Variants in GLIS3 observed in about 807,000 individuals in gnomAD.
The protein encoded by GLIS3 is zinc finger protein GLIS3.
Under a neutral mutation model 78.6 loss-of-function variants are expected in GLIS3, and 53 were observed. The observed-to-expected ratio is 0.67, with a 90% confidence interval of 0.54 to 0.85. The LOEUF (loss-of-function observed/expected upper bound fraction) is 0.85, where lower values mean the gene tolerates loss of function less well. Ranked by LOEUF, GLIS3 falls within the 40% of genes least tolerant of loss-of-function variation. The pLI is 0.00. For missense variants in GLIS3, 1,703 were observed against 1,231.1 expected (o/e 1.38, Z -5.74); for synonymous variants, 684 against 509.9 (o/e 1.34, Z -4.60).
At chr9:4,026,037 C>T (rs994911799) in intron 4 of GLIS3, among the ~76,000 whole-genome samples, 7 of 152,122 alleles carry the variant, frequency 4.6e-5, no homozygotes, top group Non-Finnish European at 8.8e-5. Flanking sequence ...ATAATCTATG[C>T]TTTGAGTCTA....
the GLIS3 span, among the ~76,000 whole-genome samples, chr9:4,427,882 A>T: frequency 6.6e-6 from 1 of 152,030 alleles, no homozygotes. Context: ...GAACAATTAG[A>T]AAATAATTAT....
chr9:4,402,717 T>G, the GLIS3 span, among the ~76,000 whole-genome samples: 21 of 152,226 alleles, frequency 1.4e-4, no homozygotes, highest in African/African-American at 4.3e-4. Context: ...AATAGTAGAA[T>G]TGATTAAGCA....
At chr9:4,463,774 T>C in the GLIS3 span, among the ~76,000 whole-genome samples, 1 of 152,226 alleles carries the variant, frequency 6.6e-6, no homozygotes, top group African/African-American at 2.4e-5. Flanking sequence ...CACAGTTTTC[T>C]CCATTTTTCT....
chr9:4,115,582 A>G (rs1209624875), intron 4 of GLIS3, among the ~76,000 whole-genome samples: 1 of 152,168 alleles, frequency 6.6e-6, no homozygotes, highest in South Asian at 2.1e-4. Flanking sequence ...GAGGACTGCT[A>G]AACTTTCACA....
chr9:4,249,790 T>G (rs867094416), intron 2 of GLIS3, among the ~76,000 whole-genome samples: 37 of 152,308 alleles, frequency 2.4e-4, no homozygotes, highest in African/African-American at 8.9e-4. Flanking sequence ...TGAGATACAT[T>G]TCATCGATAC....
chr9:4,437,331 T>G, the GLIS3 span, among the ~76,000 whole-genome samples: 1 of 152,158 alleles, frequency 6.6e-6, no homozygotes, highest in Non-Finnish European at 1.5e-5. Flanking sequence ...ATCAAAATAT[T>G]TGTATGATTT....
the GLIS3 span, among the ~76,000 whole-genome samples, chr9:4,486,539 C>T: frequency 6.6e-6 from 1 of 152,228 alleles, no homozygotes; most frequent in Non-Finnish European, 1.5e-5. Flanking sequence ...AGTATATAAA[C>T]TTCTGGACCT....
chr9:4,080,346 G>C (rs761698433), intron 4 of GLIS3, among the ~76,000 whole-genome samples: 1 of 152,046 alleles, frequency 6.6e-6, no homozygotes, highest in Admixed American at 6.6e-5. Context: ...TTCCCCATAG[G>C]TGAATCATTT....
At chr9:4,357,589 GCA>G in the GLIS3 span, among the ~76,000 whole-genome samples, 344 of 148,092 alleles carry the variant, frequency 2.3e-3, 2 homozygotes, top group African/African-American at 8.2e-3. Context: ...GTGTGTGTGT[GCA>G]TGTGTATGTG....
chr9:4,256,663 C>T lies in GLIS3; in HGVS notation c.388+29375G>A, dbSNP rs114510060. On this transcript the variant is annotated intron_variant, in intron 2 of 10. Transcript: ENST00000381971. ...TAAAAGGTCTACGTAACACAATTCA[C>T]ATTAAAATTCACTTTATTGTAGACA... Among the ~76,000 whole-genome samples the T allele has an allele frequency of 7.7e-3, 1,179 of 152,262 alleles. 13 individuals are homozygous for T. Among genetic ancestry groups the T allele is most frequent in the African/African-American group, 0.027 (1,127 of 41,544 alleles).
chr9:3,964,212 A>C (rs1194888862), intron 4 of GLIS3, among the ~76,000 whole-genome samples: 1 of 152,230 alleles, frequency 6.6e-6, no homozygotes, highest in Non-Finnish European at 1.5e-5. Context: ...GTATCTCCTC[A>C]GTCTCTCACA....
chr9:4,057,384 A>G (rs1826235381), intron 4 of GLIS3, among the ~76,000 whole-genome samples: 1 of 152,210 alleles, frequency 6.6e-6, no homozygotes, highest in African/African-American at 2.4e-5. Flanking sequence ...GGGTGGATCC[A>G]TCCCTAATAA....
chr9:4,068,827 T>G (rs1402599165), intron 4 of GLIS3, among the ~76,000 whole-genome samples: 1 of 105,594 alleles, frequency 9.5e-6, no homozygotes, highest in Non-Finnish European at 2.0e-5. Flanking sequence ...CATGCATGCA[T>G]GTATGCATGT....
Position 4,133,609 on chromosome 9 carries a change from T to C in GLIS3, c.389-7668A>G, listed in dbSNP as rs954817671. On this transcript the variant is annotated intron_variant, in intron 2 of 10. Coordinates refer to ENST00000381971, the MANE Select transcript of GLIS3 (RefSeq NM_001042413.2). ...AGCTCTCTGTGCCTCAGTGTCCTGA[T>C]CTCCCAATGAGGTTAACACTAGCAG... is the stretch of plus-strand genomic sequence containing the variant. 7.2e-5 allele frequency among the ~76,000 whole-genome samples: 11 copies of C among 152,300 alleles called. No individual in the cohort carries two copies. The East Asian group carries it at 7.7e-4, about 11-fold the overall frequency.
At chr9:4,390,680 G>T in the GLIS3 span, among the ~76,000 whole-genome samples, 1 of 152,140 alleles carries the variant, frequency 6.6e-6, no homozygotes, top group African/African-American at 2.4e-5. Context: ...TTTCTCTCAG[G>T]CTAGAAGATC....
At chr9:4,359,011 G>C in the GLIS3 span, among the ~76,000 whole-genome samples, 1 of 152,248 alleles carries the variant, frequency 6.6e-6, no homozygotes, top group African/African-American at 2.4e-5. Context: ...CAACTGGTAG[G>C]ACCATGGTGG....
chr9:4,259,759 T>C (rs909205021), intron 2 of GLIS3, among the ~76,000 whole-genome samples: 1 of 152,214 alleles, frequency 6.6e-6, no homozygotes, highest in Non-Finnish European at 1.5e-5. Context: ...CTCTTGTCAC[T>C]GTGACATGTG....
intron 2 of GLIS3, among the ~76,000 whole-genome samples, chr9:4,237,371 GA>G (rs1363279090): frequency 2.6e-5 from 4 of 151,712 alleles, no homozygotes; most frequent in Non-Finnish European, 5.9e-5. Flanking sequence ...ACATTAACTG[GA>G]AAAAAATCAG....
At chr9:4,077,035 G>C (rs536510693) in intron 4 of GLIS3, among the ~76,000 whole-genome samples, 5 of 152,216 alleles carry the variant, frequency 3.3e-5, no homozygotes, top group African/African-American at 7.2e-5. Context: ...CTCCAGCCTG[G>C]GTGAGAGACC....
Sources: allele counts gnomAD v4.1 joint callset (sites outside exome capture counted in the v4.1 genomes callset), GRCh38; gene constraint gnomAD v4.1.1; transcripts MANE v1.5; gene names NCBI Gene and HGNC (gene_info 2026-07-23, HGNC 2026-07-21).